PPP1CB: variants seen among roughly 807,000 people sequenced by gnomAD.
The protein encoded by PPP1CB is serine/threonine-protein phosphatase PP1-beta catalytic subunit.
A neutral mutation model predicts 43.7 loss-of-function variants in PPP1CB; 2 were observed. The observed-to-expected ratio is 0.05, with a 90% CI of 0.02 to 0.14. The LOEUF (loss-of-function observed/expected upper bound fraction) is 0.14. Ranked by LOEUF, PPP1CB falls within the 10% of genes least tolerant of loss-of-function variation. The pLI, the probability that PPP1CB is intolerant of heterozygous loss-of-function variation, is 1.00. For synonymous variants in PPP1CB, 136 were observed against 135.6 expected (o/e 1.00, Z -0.02); for missense variants, 84 against 398.0 (o/e 0.21, Z 6.71).
chr2:28,751,809 T>G, upstream of PPP1CB: 1 of 426,622 alleles, frequency 2.3e-6, no homozygotes. Context: ...GGTGGGGCCG[T>G]CGGCGGCGCT....
chr2:28,784,422 T>C (rs1396451632), intron 5 of PPP1CB, among the ~76,000 whole-genome samples: 2 of 152,158 alleles, frequency 1.3e-5, no homozygotes, highest in Non-Finnish European at 2.9e-5. Context: ...TATTTGAAAT[T>C]TTTAGAGCTT....
rs191946320 is a variant in PPP1CB at position 28,762,785 on chromosome 2, C to T, written c.52+10609C>T. ...GATTCAGCTGAGTTATGCAGATGTC[C>T]AGATGTTGAAACAGCTTATTATCTA... is the stretch of plus-strand genomic sequence containing the variant. On this transcript the variant is annotated intron_variant, in intron 1 of 7. Coordinates refer to ENST00000395366, the MANE Select transcript of PPP1CB (RefSeq NM_002709.3). Among the ~76,000 whole-genome samples, 11 of 152,274 alleles carry T rather than the reference C, an allele frequency of 7.2e-5. No homozygotes were observed. In the East Asian group the frequency reaches 2.1e-3, roughly 29 times the overall value.
chr2:28,775,807 A>G (rs909762253), intron 1 of PPP1CB, among the ~76,000 whole-genome samples: 2 of 152,174 alleles, frequency 1.3e-5, no homozygotes, highest in Non-Finnish European at 2.9e-5. Flanking sequence ...TGGGGCAAAT[A>G]AGGAACTCTT....
chr2:28,761,343 CAGTT>C (rs1255210486), intron 1 of PPP1CB, among the ~76,000 whole-genome samples: 1 of 152,184 alleles, frequency 6.6e-6, no homozygotes, highest in Non-Finnish European at 1.5e-5. Flanking sequence ...GATGTTTACT[CAGTT>C]AAGTGTTTAC....
chr2:28,766,751 A>G (rs1409395632), intron 1 of PPP1CB, among the ~76,000 whole-genome samples: 2 of 152,178 alleles, frequency 1.3e-5, no homozygotes, highest in African/African-American at 4.8e-5. Flanking sequence ...TCAACTCTTC[A>G]AGCACCGTTT....
At chr2:28,794,893 G>T (rs1032165279) in intron 7 of PPP1CB, among the ~76,000 whole-genome samples, 1 of 151,998 alleles carries the variant, frequency 6.6e-6, no homozygotes, top group Non-Finnish European at 1.5e-5. Context: ...ACATGTGCAG[G>T]TTTGTTCCAT....
chr2:28,751,954 C>G lies in PPP1CB; in HGVS notation c.-171C>G. On this transcript the variant is annotated 5_prime_UTR_variant, in exon 1 of 8. Transcript: ENST00000395366. ...GTGCCTCCGAGTGTGCGCGCGCTCTCGCTACCCGGCGGGGAGGGGGTGGGG... is the reference window on the plus strand; with the variant it reads ...GTGCCTCCGAGTGTGCGCGCGCTCTGGCTACCCGGCGGGGAGGGGGTGGGG... 1.5e-6 allele frequency: 1 copy of G among 658,048 alleles called. No homozygotes were observed. The highest frequency in any genetic ancestry group is 2.7e-6 in the Non-Finnish European group (1 of 375,366). 40.8% of individuals were successfully genotyped at this position (658,048 alleles called of 1,614,324 possible). A position where few individuals can be genotyped will look rare whatever the true frequency, so the allele number is the denominator to read the frequency against.
intron 1 of PPP1CB, 27 bp from the exon 2 acceptor site, chr2:28,776,824 C>A: frequency 1.9e-6 from 3 of 1,573,074 alleles, no homozygotes; most frequent in Non-Finnish European, 2.6e-6. Flanking sequence ...TTTTAGAAAA[C>A]TGACTGTTTT....
At chr2:28,754,021 C>T (rs994587508) in intron 1 of PPP1CB, among the ~76,000 whole-genome samples, 2 of 152,196 alleles carry the variant, frequency 1.3e-5, no homozygotes, top group Non-Finnish European at 2.9e-5. Flanking sequence ...CAGGCGTGAG[C>T]CATCGCGCCC....
chr2:28,773,162 C>T (rs1352828606), intron 1 of PPP1CB, among the ~76,000 whole-genome samples: 1 of 152,108 alleles, frequency 6.6e-6, no homozygotes, highest in African/African-American at 2.4e-5. Flanking sequence ...TTGAGTTACA[C>T]CCATAAAGTT....
chr2:28,798,017 C>T (rs1268666452), intron 7 of PPP1CB, among the ~76,000 whole-genome samples: 1 of 152,068 alleles, frequency 6.6e-6, no homozygotes, highest in Non-Finnish European at 1.5e-5. Context: ...TGGTTGATTG[C>T]TCATTTACAA....
In PPP1CB at chr2:28,802,377, G is replaced by A. The variant is rs564940672; in HGVS notation, c.*3074G>A. On this transcript the variant is annotated 3_prime_UTR_variant, in exon 8 of 8. Transcript: ENST00000395366. ...GGAATATGGTCGGGCTGAATTTGCT[G>A]TTGCTCCCTAACCAAATCCACCTCT... 6.6e-5 allele frequency: 10 copies of A among 152,260 alleles called. No homozygotes were observed. The South Asian group carries it at 1.2e-3, about 19-fold the overall frequency. 9.4% of individuals were successfully genotyped at this position (152,260 alleles called of 1,614,324 possible).
intron 6 of PPP1CB, among the ~76,000 whole-genome samples, chr2:28,789,683 C>T (rs1269804324): frequency 2.0e-5 from 3 of 149,294 alleles, no homozygotes; most frequent in African/African-American, 7.4e-5. Flanking sequence ...ACTGTAACCT[C>T]CGCCTCCCAG....
At position 28,774,931 on chromosome 2, in the gene PPP1CB, A is replaced by C. The variant is rs578257887; in HGVS notation, c.53-1920A>C. On this transcript the variant is annotated intron_variant, in intron 1 of 7. Coordinates refer to ENST00000395366, the MANE Select transcript of PPP1CB (RefSeq NM_002709.3). ...TTCAGGGATAGTCTTATAAACTAGC[A>C]TATTTGCTAAAGCACATTTGAATGT... Among the ~76,000 whole-genome samples, 532 of 152,308 alleles carry C rather than the reference A, an allele frequency of 3.5e-3. 3 individuals carry two copies. Among genetic ancestry groups the C allele is most frequent in the African/African-American group, 0.012 (490 of 41,572 alleles).
At chr2:28,767,006 G>A (rs1375098637) in intron 1 of PPP1CB, among the ~76,000 whole-genome samples, 1 of 151,062 alleles carries the variant, frequency 6.6e-6, no homozygotes, top group Non-Finnish European at 1.5e-5. Flanking sequence ...GCGTGAACCA[G>A]GGAGGCAGAG....
chr2:28,771,051 C>CCG (rs1491498853), intron 1 of PPP1CB, among the ~76,000 whole-genome samples: 1 of 31,682 alleles, frequency 3.2e-5, no homozygotes, highest in African/African-American at 1.2e-4. Flanking sequence ...CCCCCCCCCC[C>CCG]ACCCTTTTTT....
chr2:28,760,678 C>G (rs1190775511), intron 1 of PPP1CB, among the ~76,000 whole-genome samples: 2 of 152,174 alleles, frequency 1.3e-5, no homozygotes, highest in Non-Finnish European at 2.9e-5. Flanking sequence ...TTGGAGAAAT[C>G]AAAATCTAAG....
chr2:28,774,273 TG>T, intron 1 of PPP1CB, among the ~76,000 whole-genome samples: 1 of 152,338 alleles, frequency 6.6e-6, no homozygotes, highest in South Asian at 2.1e-4. Context: ...GTTTTGATAA[TG>T]TACTGTTCTT....
At chr2:28,770,605 A>G (rs777752848) in intron 1 of PPP1CB, among the ~76,000 whole-genome samples, 1 of 152,186 alleles carries the variant, frequency 6.6e-6, no homozygotes, top group South Asian at 2.1e-4. Context: ...AAGGTTGACA[A>G]CTATTATAAA....
Sources: allele counts gnomAD v4.1 joint callset (sites outside exome capture counted in the v4.1 genomes callset), GRCh38; gene constraint gnomAD v4.1.1; transcripts MANE v1.5; gene names NCBI Gene and HGNC (gene_info 2026-07-23, HGNC 2026-07-21).